Variants in NTSR1 observed in about 807,000 individuals in gnomAD.
NTSR1 encodes neurotensin receptor type 1.
In NTSR1, 29 loss-of-function variants were observed where a neutral mutation model predicts 31.2. That is an observed-to-expected ratio of 0.93 (90% CI 0.69 to 1.27). NTSR1 has a LOEUF of 1.27. Ranked by LOEUF, NTSR1 falls within the 50% of genes most tolerant of loss-of-function variation. NTSR1 has a pLI of 0.00. For synonymous variants in NTSR1, 282 were observed against 269.9 expected (o/e 1.04, Z -0.44); for missense variants, 697 against 595.4 (o/e 1.17, Z -1.78).
rs373864926 is a variant in NTSR1 at position 62,739,833 on chromosome 20, G to A, written c.715-14852G>A. Among the ~76,000 whole-genome samples, 917 of 152,390 alleles carry A rather than the reference G, an allele frequency of 6.0e-3. 8 individuals carry two copies. Among genetic ancestry groups the A allele is most frequent in the South Asian group, 0.039 (187 of 4,834 alleles). On this transcript the variant is annotated intron_variant, in intron 1 of 3. Transcript: ENST00000370501. Reference sequence around the variant, plus strand: ...GGCTGGAGGTGCAGCGGCCGGCGACGGCCAGAACTGGAGAACAGGCCGGCG... The same window carrying A: ...GGCTGGAGGTGCAGCGGCCGGCGACAGCCAGAACTGGAGAACAGGCCGGCG...
At chr20:62,747,534 C>T (rs1023132338) in intron 1 of NTSR1, among the ~76,000 whole-genome samples, 1 of 151,328 alleles carries the variant, frequency 6.6e-6, no homozygotes, top group Non-Finnish European at 1.5e-5. Flanking sequence ...CCACGTATGA[C>T]AGACCCACAG....
At position 62,714,184 on chromosome 20, in the gene NTSR1, A is replaced by G. The variant is rs1053601786; in HGVS notation, c.714+4263A>G. On this transcript the variant is annotated intron_variant, in intron 1 of 3. Transcript: ENST00000370501. The surrounding 1 kb of genome is among the most constrained non-coding windows in gnomAD (Gnocchi z 4.1). ...TCCCGTGAGGACGGGAAGGGGACCC[A>G]CGCCACGCAGCTGTGGGCAGCTCTG... is the stretch of plus-strand genomic sequence containing the variant. 8.5e-5 allele frequency among the ~76,000 whole-genome samples: 13 copies of G among 152,232 alleles called. No individual in the cohort carries two copies. Among genetic ancestry groups the G allele is most frequent in the African/African-American group, 3.1e-4 (13 of 41,472 alleles).
chr20:62,711,547 G>A lies in NTSR1; in HGVS notation c.714+1626G>A, dbSNP rs1295727436. On this transcript the variant is annotated intron_variant, in intron 1 of 3. Coordinates refer to ENST00000370501, the MANE Select transcript of NTSR1 (RefSeq NM_002531.3). The surrounding 1 kb of genome is among the most constrained non-coding windows in gnomAD (Gnocchi z 6.4). ...CAGGAGATGCCCCCACTCAGACCCC[G>A]GATCCCCCCACTCAGACCCCCGATC... is the stretch of plus-strand genomic sequence containing the variant. 9.6e-6 allele frequency among the ~76,000 whole-genome samples: 1 copy of A among 104,302 alleles called. No homozygotes were observed. Among genetic ancestry groups the A allele is most frequent in the African/African-American group, 3.9e-5 (1 of 25,678 alleles). 68.4% of individuals were successfully genotyped at this position (104,302 alleles called of 152,430 possible).
chr20:62,754,823 A>G lies in NTSR1; in HGVS notation c.853A>G (p.Thr285Ala). 6.2e-7 allele frequency: 1 copy of G among 1,609,580 alleles called. No homozygotes were observed. ...GTGCACGGTCGGGGGCGAGCACAGC[A>G]CATTCAGCATGGCCATCGAGCCTGG... Reference protein sequence around the residue: ...QVCTVGGEHSTFSMAIEPGRV... With the variant: ...QVCTVGGEHSAFSMAIEPGRV... The change falls in exon 2 of 4, where the codon ACA becomes GCA. Residue 285 changes from threonine (T) to alanine (A), a missense_variant. Physicochemically the swap from Thr to Ala is moderately conservative, Grantham distance 58. Transcript: ENST00000370501.
At position 62,758,393 on chromosome 20, in the gene NTSR1, A is replaced by C. The variant is rs2147150471; in HGVS notation, c.1007+37A>C. ...GAACCAGGAAGTTGGGTGCTGGACA[A>C]GTAAGTGCTCCCAAAACAGATGGTG... On this transcript the variant is annotated intron_variant, in intron 3 of 3. Coordinates refer to ENST00000370501, the MANE Select transcript of NTSR1 (RefSeq NM_002531.3). The surrounding 1 kb of genome is among the most constrained non-coding windows in gnomAD (Gnocchi z 4.5). The C allele has an allele frequency of 1.3e-6, 2 of 1,574,728 alleles. No individual in the cohort carries two copies. Among genetic ancestry groups the C allele is most frequent in the African/African-American group, 2.7e-5 (2 of 74,248 alleles).
In NTSR1 at chr20:62,754,627, C is replaced by G. The variant is rs539565289; in HGVS notation, c.715-58C>G. ...CCAATCAGCACGGCAGGCATCCCAG[C>G]TGAGGGTGCATGAGTCCCGCTGCTG... On this transcript the variant is annotated intron_variant, in intron 1 of 3. Coordinates refer to ENST00000370501, the MANE Select transcript of NTSR1 (RefSeq NM_002531.3). 1.3e-5 allele frequency: 18 copies of G among 1,415,864 alleles called. No homozygotes were observed. In the East Asian group the frequency reaches 2.1e-4, roughly 16 times the overall value. 87.7% of individuals were successfully genotyped at this position (1,415,864 alleles called of 1,614,324 possible). A position where few individuals can be genotyped will look rare whatever the true frequency, so the allele number is the denominator to read the frequency against.
At chr20:62,710,070 G>A (rs1988578189) in intron 1 of NTSR1, 149 bp downstream of exon 1, 2 of 693,436 alleles carry the variant, frequency 2.9e-6, no homozygotes, top group South Asian at 2.0e-5. Flanking sequence ...CAGCTTGGGG[G>A]CAGCTCCAGA....
intron 1 of NTSR1, among the ~76,000 whole-genome samples, chr20:62,721,094 G>A (rs1033465048): frequency 6.6e-6 from 1 of 152,206 alleles, no homozygotes; most frequent in South Asian, 2.1e-4. Flanking sequence ...AGCAGAATGT[G>A]CTGTGCTATC....
At chr20:62,723,132 T>G (rs1293722115) in intron 1 of NTSR1, among the ~76,000 whole-genome samples, 1 of 152,204 alleles carries the variant, frequency 6.6e-6, no homozygotes, top group East Asian at 1.9e-4. Context: ...TATTTAAAGG[T>G]TAAGAGAATT....
rs1264438920 is a variant in NTSR1 at position 62,711,047 on chromosome 20, C to CGGT, written c.714+1129_714+1131dup. On this transcript the variant is annotated intron_variant, in intron 1 of 3. Coordinates refer to ENST00000370501, the MANE Select transcript of NTSR1 (RefSeq NM_002531.3). The surrounding 1 kb of genome is among the most constrained non-coding windows in gnomAD (Gnocchi z 6.4). The stretch of plus-strand genomic sequence containing the variant: ...GGCACCCCGCGTATGCCAGTATGCC[C>CGGT]GGTGGGGGTGAGGGCAGCAGTGCCG... Among the ~76,000 whole-genome samples, 1 of 152,174 alleles carries CGGT rather than the reference C, an allele frequency of 6.6e-6. No homozygotes were observed. Among genetic ancestry groups the CGGT allele is most frequent in the East Asian group, 1.9e-4 (1 of 5,184 alleles).
intron 1 of NTSR1, among the ~76,000 whole-genome samples, chr20:62,710,324 C>A (rs374360549): frequency 6.6e-6 from 1 of 152,234 alleles, no homozygotes. Flanking sequence ...CTGGCTCTGC[C>A]GGTGCCTCCC....
chr20:62,726,181 A>G (rs1223880388), intron 1 of NTSR1, among the ~76,000 whole-genome samples: 2 of 152,108 alleles, frequency 1.3e-5, no homozygotes, highest in Non-Finnish European at 1.5e-5. Flanking sequence ...TGGGGCTGCC[A>G]TTGTCCTGAT....
At chr20:62,748,662 T>C (rs763161030) in intron 1 of NTSR1, among the ~76,000 whole-genome samples, 65 of 152,224 alleles carry the variant, frequency 4.3e-4, no homozygotes, top group Non-Finnish European at 8.1e-4. Context: ...ATGGTTTGAA[T>C]GTCCCCTCCA....
chr20:62,723,833 G>A (rs993157374), intron 1 of NTSR1, among the ~76,000 whole-genome samples: 1 of 152,200 alleles, frequency 6.6e-6, no homozygotes, highest in Non-Finnish European at 1.5e-5. Flanking sequence ...AGTCAGGGCC[G>A]AGCCAGCGAA....
At chr20:62,724,770 G>A (rs184372783) in intron 1 of NTSR1, among the ~76,000 whole-genome samples, 15 of 152,282 alleles carry the variant, frequency 9.9e-5, no homozygotes, top group East Asian at 1.9e-4. Context: ...CCCACACTCC[G>A]CGGAGGCTCT....
intron 1 of NTSR1, among the ~76,000 whole-genome samples, chr20:62,736,840 G>A (rs980997263): frequency 2.0e-5 from 3 of 152,236 alleles, no homozygotes; most frequent in African/African-American, 7.2e-5. Context: ...GCAGGACCAG[G>A]GGGAGGTGAC....
rs116157474 is a variant in NTSR1, at chr20:62,738,211, C to T, written c.715-16474C>T. 2.6e-3 allele frequency among the ~76,000 whole-genome samples: 401 copies of T among 152,306 alleles called. 1 individual carries two copies. Among genetic ancestry groups the T allele is most frequent in the African/African-American group, 9.2e-3 (383 of 41,560 alleles). On this transcript the variant is annotated intron_variant, in intron 1 of 3. Coordinates refer to ENST00000370501, the MANE Select transcript of NTSR1 (RefSeq NM_002531.3). ...TGCTAGATGGCCGGCCTGGATGAACCCAGGTGCACGCAGAGGGTGACGGAG... is the reference window on the plus strand; with the variant it reads ...TGCTAGATGGCCGGCCTGGATGAACTCAGGTGCACGCAGAGGGTGACGGAG...
intron 1 of NTSR1, among the ~76,000 whole-genome samples, chr20:62,723,974 G>T (rs1487288520): frequency 6.6e-6 from 1 of 152,220 alleles, no homozygotes; most frequent in Non-Finnish European, 1.5e-5. Context: ...AGATGGGAGG[G>T]GCCATGGGCA....
In NTSR1 at chr20:62,754,168, G is replaced by C. The variant is rs1223907754; in HGVS notation, c.715-517G>C. Among the ~76,000 whole-genome samples the C allele has an allele frequency of 2.6e-5, 4 of 152,222 alleles. No individual in the cohort carries two copies. The East Asian group carries it at 5.8e-4, about 22-fold the overall frequency. On this transcript the variant is annotated intron_variant, in intron 1 of 3. Coordinates refer to ENST00000370501, the MANE Select transcript of NTSR1 (RefSeq NM_002531.3). The stretch of plus-strand genomic sequence containing the variant: ...CTTTCAATGCTCTGAGAGGTAGCTG[G>C]GGTGGGAGGGAGGAAGGGGCCTCTA...
Sources: allele counts gnomAD v4.1 joint callset (sites outside exome capture counted in the v4.1 genomes callset), GRCh38; gene constraint gnomAD v4.1.1; non-coding constraint Gnocchi (gnomAD v3.1); transcripts MANE v1.5; gene names NCBI Gene and HGNC (gene_info 2026-07-23, HGNC 2026-07-21).